XXYLT1: variants seen among roughly 807,000 people sequenced by gnomAD.
XXYLT1 encodes the protein UDP-xylose:alpha-xyloside alpha-1,3-xylosyltransferase.
XXYLT1 carries 20 observed loss-of-function variants against 28.9 expected under a neutral mutation model. The ratio of observed to expected loss-of-function variants is 0.69; its 90% CI spans 0.49 to 1.00. The LOEUF is 1.00. XXYLT1 is among the 50% of genes least tolerant of loss of function. The probability of loss-of-function intolerance (pLI) is 0.00; values close to 1 mark genes in which losing one functional copy is unlikely to be tolerated. For synonymous variants in XXYLT1, 257 were observed against 253.8 expected, an observed-to-expected ratio of 1.01 and a Z score of -0.12; for missense variants, 542 against 560.1, an observed-to-expected ratio of 0.97 and a Z score of 0.33.
chr3:195,202,387 C>T (rs1722895899), intron 2 of XXYLT1, among the ~76,000 whole-genome samples: 1 of 146,248 alleles, frequency 6.8e-6, no homozygotes. Context: ...CTTAAAGAGA[C>T]CAACTAGGTC....
chr3:195,192,826 T>A (rs1299118215), intron 2 of XXYLT1, among the ~76,000 whole-genome samples: 1 of 152,154 alleles, frequency 6.6e-6, no homozygotes, highest in Non-Finnish European at 1.5e-5. Flanking sequence ...AGCATCAGAT[T>A]GGAAAGGAAG....
intron 3 of XXYLT1, among the ~76,000 whole-genome samples, chr3:195,153,603 A>C (rs181592436): frequency 7.2e-5 from 11 of 152,138 alleles, no homozygotes; most frequent in African/African-American, 2.7e-4. Context: ...GGTTAGAAAA[A>C]CTCAGTTTCA....
intron 3 of XXYLT1, among the ~76,000 whole-genome samples, chr3:195,071,043 C>T (rs1560078235): frequency 6.6e-6 from 1 of 152,224 alleles, no homozygotes; most frequent in Non-Finnish European, 1.5e-5. Context: ...GCTGCACTGT[C>T]CTCCAGCCTC....
chr3:195,112,733 T>C (rs1407933169), intron 3 of XXYLT1, among the ~76,000 whole-genome samples: 1 of 126,380 alleles, frequency 7.9e-6, no homozygotes, highest in Non-Finnish European at 1.6e-5. Flanking sequence ...CAGCCCCGGG[T>C]GGTAGGAACA....
chr3:195,198,316 T>C (rs994939947), intron 2 of XXYLT1, among the ~76,000 whole-genome samples: 3 of 152,152 alleles, frequency 2.0e-5, no homozygotes, highest in Non-Finnish European at 2.9e-5. Context: ...AGAAGACTCA[T>C]GCAAAGTCGA....
chr3:195,115,705 T>G lies in XXYLT1; in HGVS notation c.785+40744A>C, dbSNP rs1718008215. Among the ~76,000 whole-genome samples the G allele has an allele frequency of 6.6e-6, 1 of 152,156 alleles. No individual in the cohort carries two copies. Among genetic ancestry groups the G allele is most frequent in the Non-Finnish European group, 1.5e-5 (1 of 68,028 alleles). On this transcript the variant is annotated intron_variant, in intron 3 of 3. Transcript: ENST00000310380. The surrounding 1 kb of genome is among the most constrained non-coding windows in gnomAD (Gnocchi z 4.2). ...GGCTCCGGCAGCACACCGTGTGCGC[T>G]CTCACCTTTGAGCTGAGGTGTTCAC...
chr3:195,196,881 AAGT>A (rs965009802), intron 2 of XXYLT1, among the ~76,000 whole-genome samples: 5 of 151,484 alleles, frequency 3.3e-5, no homozygotes, highest in South Asian at 2.1e-4. Flanking sequence ...AAAAAAAAAA[AAGT>A]AGCACATTTG....
At chr3:195,175,002 A>G (rs1210097189) in intron 2 of XXYLT1, among the ~76,000 whole-genome samples, 1 of 152,098 alleles carries the variant, frequency 6.6e-6, no homozygotes, top group Non-Finnish European at 1.5e-5. Context: ...GTCCCTTAGT[A>G]CACATTCAAC....
chr3:195,087,556 C>A (rs527687640), intron 3 of XXYLT1, among the ~76,000 whole-genome samples: 69 of 152,334 alleles, frequency 4.5e-4, no homozygotes, highest in African/African-American at 1.6e-3. Context: ...TCAGCTCTCT[C>A]CGGATAGGGC....
chr3:195,185,460 T>C (rs1172303606), intron 2 of XXYLT1, among the ~76,000 whole-genome samples: 1 of 150,708 alleles, frequency 6.6e-6, no homozygotes. Context: ...TTTGGGGTCC[T>C]GCTTCAGGAG....
At position 195,233,068 on chromosome 3, in the gene XXYLT1, G is replaced by T. The variant is rs187727172; in HGVS notation, c.505-6212C>A. ...TATATATCTGAGTGCACTAGTGTTG[G>T]ATGCATATATAACTGTTATATCCTT... On this transcript the variant is annotated intron_variant, in intron 1 of 3. Transcript: ENST00000310380. 1.1e-4 allele frequency among the ~76,000 whole-genome samples: 17 copies of T among 152,162 alleles called. No homozygotes were observed. In the East Asian group the frequency reaches 3.3e-3, roughly 29 times the overall value.
intron 1 of XXYLT1, among the ~76,000 whole-genome samples, chr3:195,245,851 G>A (rs1725000959): frequency 6.6e-6 from 1 of 152,168 alleles, no homozygotes; most frequent in Non-Finnish European, 1.5e-5. Context: ...CTCTCACCCT[G>A]TGATGTGCCT....
intron 1 of XXYLT1, among the ~76,000 whole-genome samples, chr3:195,251,053 G>T (rs1725233526): frequency 6.6e-6 from 1 of 152,208 alleles, no homozygotes; most frequent in Non-Finnish European, 1.5e-5. Flanking sequence ...TGGCCAGACG[G>T]CCCTGGGATC....
chr3:195,112,432 ACACACG>A (rs943664327), intron 3 of XXYLT1, among the ~76,000 whole-genome samples: 1 of 109,074 alleles, frequency 9.2e-6, no homozygotes, highest in Non-Finnish European at 2.1e-5. Context: ...ACACATGCAC[ACACACG>A]CACGCACACC....
intron 3 of XXYLT1, among the ~76,000 whole-genome samples, chr3:195,155,834 T>C (rs574109726): frequency 2.4e-4 from 36 of 152,378 alleles, no homozygotes; most frequent in Non-Finnish European, 7.3e-5. Context: ...ATGCGTTTTA[T>C]TTATCCATTC....
In XXYLT1 at chr3:195,069,534, G is replaced by A; in HGVS notation, c.*181C>T. Reference sequence around the variant, plus strand: ...GGTCCCAAGCACCAGCAGTGCACAGGCCAGTCCTTGGCGGGTGGCCTCAGC... The same window carrying A: ...GGTCCCAAGCACCAGCAGTGCACAGACCAGTCCTTGGCGGGTGGCCTCAGC... On this transcript the variant is annotated 3_prime_UTR_variant, in exon 4 of 4. Coordinates refer to ENST00000310380, the MANE Select transcript of XXYLT1 (RefSeq NM_152531.5). The A allele has an allele frequency of 1.2e-6, 1 of 824,216 alleles. No homozygotes were observed. The highest frequency in any genetic ancestry group is 2.7e-5 in the Admixed American group (1 of 36,924). The allele number at this position is 824,216 out of a possible 1,614,324, so 51.1% of individuals were successfully genotyped here.
In XXYLT1 at chr3:195,109,436, G is replaced by A. The variant is rs528149254; in HGVS notation, c.786-39325C>T. ...TATGGTGTGTGTGTTGGTGGTGTAT[G>A]AGTGTGTGGTATATGTGTGCGTGTA... On this transcript the variant is annotated intron_variant, in intron 3 of 3. Coordinates refer to ENST00000310380, the MANE Select transcript of XXYLT1 (RefSeq NM_152531.5). Among the ~76,000 whole-genome samples the A allele has an allele frequency of 6.6e-5, 10 of 151,812 alleles. No individual in the cohort carries two copies. In the South Asian group the frequency reaches 2.1e-3, roughly 32 times the overall value.
At chr3:195,156,632 C>A in intron 2 of XXYLT1, 51 bp from the exon 3 acceptor site, 1 of 1,597,590 alleles carries the variant, frequency 6.3e-7, no homozygotes, top group Non-Finnish European at 8.5e-7. Context: ...TCCTGGGAGG[C>A]TCGGCCACGG....
At chr3:195,156,426 G>C in intron 3 of XXYLT1, 23 bp downstream of exon 3, 1 of 1,609,368 alleles carries the variant, frequency 6.2e-7, no homozygotes, top group Non-Finnish European at 8.5e-7. Flanking sequence ...CGTGGAGGCG[G>C]CCCCCCTGCA....
Sources: allele counts gnomAD v4.1 joint callset (sites outside exome capture counted in the v4.1 genomes callset), GRCh38; gene constraint gnomAD v4.1.1; non-coding constraint Gnocchi (gnomAD v3.1); transcripts MANE v1.5; gene names NCBI Gene and HGNC (gene_info 2026-07-23, HGNC 2026-07-21).